The following WDPCP variants were observed in gnomAD, a reference collection of about 807,000 sequenced individuals.
WDPCP encodes WD repeat-containing and planar cell polarity effector protein fritz homolog.
In WDPCP, 71 loss-of-function variants were observed where a neutral mutation model predicts 93.1. That is an observed-to-expected ratio of 0.76 (90% confidence interval 0.63 to 0.93). The LOEUF is 0.93. Ranked by LOEUF, WDPCP falls within the 40% of genes least tolerant of loss-of-function variation. The pLI, the probability that WDPCP is intolerant of heterozygous loss-of-function variation, is 0.00. For synonymous variants in WDPCP, 315 were observed against 315.0 expected (o/e 1.00, Z 0.00); for missense variants, 844 against 887.4 (o/e 0.95, Z 0.62).
chr2:63,287,072 C>T (rs1364702738), intron 13 of WDPCP, among the ~76,000 whole-genome samples: 1 of 152,226 alleles, frequency 6.6e-6, no homozygotes, highest in Non-Finnish European at 1.5e-5. Flanking sequence ...TTGCTGTGTC[C>T]TCACATGGTC....
chr2:63,338,569 A>AATATATAT (rs1159039677), intron 12 of WDPCP, among the ~76,000 whole-genome samples: 7 of 14,480 alleles, frequency 4.8e-4, no homozygotes, highest in African/African-American at 1.2e-3. Context: ...AAAAAAAAAA[A>AATATATAT]ATATATATAT....
intron 14 of WDPCP, among the ~76,000 whole-genome samples, chr2:63,207,820 T>G (rs950583812): frequency 6.6e-6 from 1 of 152,166 alleles, no homozygotes; most frequent in African/African-American, 2.4e-5. Context: ...TCTGCTGTAT[T>G]GCGTTGGTTT....
At chr2:63,268,426 G>C (rs1268527717) in intron 13 of WDPCP, among the ~76,000 whole-genome samples, 3 of 152,020 alleles carry the variant, frequency 2.0e-5, no homozygotes, top group African/African-American at 7.2e-5. Flanking sequence ...AGCATTAATA[G>C]CAATGTATTG....
intron 17 of WDPCP, among the ~76,000 whole-genome samples, chr2:63,130,693 A>G (rs1021737274): frequency 6.6e-6 from 1 of 151,838 alleles, no homozygotes; most frequent in Admixed American, 6.6e-5. Flanking sequence ...AGAGTTCTGT[A>G]TGTGTCTGTT....
At chr2:63,720,524 T>G (rs1221037524) in intron 2 of WDPCP, among the ~76,000 whole-genome samples, 1 of 152,132 alleles carries the variant, frequency 6.6e-6, no homozygotes, top group Non-Finnish European at 1.5e-5. Context: ...GTAGCATGAT[T>G]AAGAGCTGCC....
At chr2:63,517,073 A>C (rs1702602196) in intron 1 of WDPCP, among the ~76,000 whole-genome samples, 1 of 152,152 alleles carries the variant, frequency 6.6e-6, no homozygotes, top group African/African-American at 2.4e-5. Flanking sequence ...CTTCTTCTAA[A>C]CTACATCCTA....
chr2:63,382,752 C>T (rs559186210), intron 10 of WDPCP, among the ~76,000 whole-genome samples: 5 of 152,210 alleles, frequency 3.3e-5, no homozygotes, highest in African/African-American at 1.2e-4. Context: ...ATTCTTCATA[C>T]TAACTTCAAA....
At position 63,439,838 on chromosome 2, in the gene WDPCP, T is replaced by C. The variant is rs1438057652; in HGVS notation, c.418A>G (p.Ser140Gly). 1.2e-6 allele frequency: 2 copies of C among 1,613,110 alleles called. No homozygotes were observed. Among genetic ancestry groups the C allele is most frequent in the Admixed American group, 1.7e-5 (1 of 59,908 alleles). The change falls in exon 7 of 18, where the codon AGC (serine) becomes GGC (glycine). Residue 140 changes from serine (S) to glycine (G), a missense_variant. By Grantham distance (56) the Ser-to-Gly change is moderately conservative. Coordinates refer to ENST00000272321, the MANE Select transcript of WDPCP (RefSeq NM_015910.7). ...TTCTCCAGCTGCGGCCCAGAAAGGC[T>C]TAGAGACACCAGCACACCTGAACCA... ...LFGSGVLVSL[S>G]LSGPQLEKVV...
At chr2:63,585,082 G>A (rs1394724225) in intron 1 of WDPCP, among the ~76,000 whole-genome samples, 1 of 152,068 alleles carries the variant, frequency 6.6e-6, no homozygotes, top group African/African-American at 2.4e-5. Context: ...GAAAATTCCA[G>A]TCAAATGTTA....
At chr2:63,525,728 T>C (rs1382423941) in intron 1 of WDPCP, among the ~76,000 whole-genome samples, 2 of 152,176 alleles carry the variant, frequency 1.3e-5, no homozygotes, top group Admixed American at 6.5e-5. Context: ...ACTGCCGTTA[T>C]GTTAGTGGCC....
Position 63,262,539 on chromosome 2 carries a change from CAAA to C in WDPCP, c.1813-3133_1813-3131del, listed in dbSNP as rs5831658. On this transcript the variant is annotated intron_variant, in intron 13 of 17. Coordinates refer to ENST00000272321, the MANE Select transcript of WDPCP (RefSeq NM_015910.7). The stretch of plus-strand genomic sequence containing the variant: ...AACACTGATATACAACCATATAAGC[CAAA>C]AAAAAAAAAAAAAAGAAAGAAAAGA... 4.3e-3 allele frequency among the ~76,000 whole-genome samples: 553 copies of C among 130,044 alleles called. 2 individuals are homozygous for C. The highest frequency in any genetic ancestry group is 0.011 in the African/African-American group (392 of 35,696). The allele number at this position is 130,044 out of a possible 152,430, so 85.3% of individuals were successfully genotyped here. A position where few individuals can be genotyped will look rare whatever the true frequency, so the allele number is the denominator to read the frequency against.
chr2:63,684,602 G>A, intron 2 of WDPCP: 1 of 719,736 alleles, frequency 1.4e-6, no homozygotes, highest in Non-Finnish European at 2.6e-6. Flanking sequence ...CAGTAAGGAT[G>A]TCTTCAGAGA....
intron 13 of WDPCP, among the ~76,000 whole-genome samples, chr2:63,275,771 G>C (rs1024710583): frequency 3.9e-5 from 6 of 152,140 alleles, no homozygotes; most frequent in African/African-American, 1.4e-4. Context: ...CATACTCATG[G>C]ATCAGAAGAT....
chr2:63,525,715 C>T (rs1397545369), intron 1 of WDPCP, among the ~76,000 whole-genome samples: 1 of 152,140 alleles, frequency 6.6e-6, no homozygotes, highest in African/African-American at 2.4e-5. Flanking sequence ...GAGAGAAGGG[C>T]TGACTGCCGT....
intron 3 of WDPCP, among the ~76,000 whole-genome samples, chr2:63,619,125 C>A (rs1709704998): frequency 6.6e-6 from 1 of 152,178 alleles, no homozygotes; most frequent in Admixed American, 6.5e-5. Flanking sequence ...ATTCTGTCAT[C>A]TTCTTTGTTT....
chr2:63,513,547 C>A (rs55772026), intron 1 of WDPCP, among the ~76,000 whole-genome samples: 1 of 152,088 alleles, frequency 6.6e-6, no homozygotes, highest in African/African-American at 2.4e-5. Flanking sequence ...AAGTGATTCA[C>A]GGAAACCAGA....
In WDPCP at chr2:63,786,430, G is replaced by A. The variant is rs762297776; in HGVS notation, n.308+27192C>T. Among the ~76,000 whole-genome samples, 12 of 152,294 alleles carry A rather than the reference G, an allele frequency of 7.9e-5. No homozygotes were observed. The South Asian group carries it at 1.7e-3, about 21-fold the overall frequency. On this transcript the variant is annotated intron_variant and non_coding_transcript_variant, in intron 2 of 4. Transcript: ENST00000467687. Reference sequence around the variant, plus strand: ...ATGGCTCTATGCAGTTTGGAAGAGAGCATCTAAGTAACCATTTTAGTCCAA... The same window carrying A: ...ATGGCTCTATGCAGTTTGGAAGAGAACATCTAAGTAACCATTTTAGTCCAA...
chr2:63,251,390 AAC>A (rs1467977990), intron 14 of WDPCP, among the ~76,000 whole-genome samples: 1 of 152,100 alleles, frequency 6.6e-6, no homozygotes, highest in Non-Finnish European at 1.5e-5. Context: ...AATTCCTGGA[AAC>A]ACACAACCTC....
intron 3 of WDPCP, among the ~76,000 whole-genome samples, chr2:63,621,329 T>C (rs555022158): frequency 1.3e-5 from 2 of 151,742 alleles, no homozygotes; most frequent in African/African-American, 4.8e-5. Context: ...GAGAAGAACA[T>C]AAATGACATG....
Sources: gnomAD v4.1 joint callset for allele counts (sites outside exome capture counted in the v4.1 genomes callset) on GRCh38, gnomAD v4.1.1 for gene constraint, MANE v1.5 for transcripts, NCBI Gene and HGNC (gene_info 2026-07-23, HGNC 2026-07-21) for gene names.